The following MBTD1 variants were observed in gnomAD, a reference collection of about 807,000 sequenced individuals.
MBTD1 encodes mbt domain containing 1.
A neutral mutation model predicts 87.8 loss-of-function variants in MBTD1; 24 were observed. The observed-to-expected ratio is 0.27, with a 90% confidence interval of 0.20 to 0.38. MBTD1 has a LOEUF of 0.38. MBTD1 is among the 10% of genes least tolerant of loss of function. The pLI, the probability that MBTD1 is intolerant of heterozygous loss-of-function variation, is 1.00. For missense variants in MBTD1, 436 were observed against 760.2 expected, an observed-to-expected ratio of 0.57 and a Z score of 5.02; for synonymous variants, 237 against 248.6, an observed-to-expected ratio of 0.95 and a Z score of 0.44.
chr17:51,240,479 ATT>A (rs907732960), intron 2 of MBTD1, among the ~76,000 whole-genome samples: 5 of 152,002 alleles, frequency 3.3e-5, no homozygotes, highest in African/African-American at 1.2e-4. Context: ...TTGGTCAGAT[ATT>A]TTGCTGACTG....
rs1354355867 is a variant in MBTD1 at position 51,201,716 on chromosome 17, C to T, written c.1120-20G>A. 4 of 1,383,134 alleles carry T rather than the reference C, an allele frequency of 2.9e-6. No individual in the cohort carries two copies. The South Asian group carries it at 3.6e-5, about 12-fold the overall frequency. 85.7% of individuals were successfully genotyped at this position (1,383,134 alleles called of 1,614,324 possible). On this transcript the variant is annotated intron_variant, in intron 11 of 16. Transcript: ENST00000586178. The stretch of plus-strand genomic sequence containing the variant: ...TTTTACCTAAAGAATTATATGAAAG[C>T]ACATCTACTGTTACAAATGTTGTTA...
At chr17:51,259,241 A>G (rs2055293216) in intron 1 of MBTD1, 35 bp from the exon 2 acceptor site, 1 of 1,231,310 alleles carries the variant, frequency 8.1e-7, no homozygotes, top group Non-Finnish European at 1.0e-6. Flanking sequence ...ACAAAGGAGA[A>G]CGCAATGGTC....
upstream of MBTD1, chr17:51,260,679 G>T (rs768371518): frequency 5.6e-6 from 9 of 1,610,608 alleles, no homozygotes; most frequent in African/African-American, 8.0e-5. Context: ...TGGAAAGCCG[G>T]AGCGGGGCCA....
At chr17:51,196,459 G>A (rs1335124020) in intron 12 of MBTD1, among the ~76,000 whole-genome samples, 1 of 151,726 alleles carries the variant, frequency 6.6e-6, no homozygotes, top group East Asian at 1.9e-4. Flanking sequence ...CCTGACCTCA[G>A]GTGACCCACC....
At chr17:51,209,613 G>C (rs2052051803) in intron 6 of MBTD1, among the ~76,000 whole-genome samples, 1 of 152,202 alleles carries the variant, frequency 6.6e-6, no homozygotes, top group Non-Finnish European at 1.5e-5. Context: ...CTAGTATTCA[G>C]ACTCTCAGGA....
intron 16 of MBTD1, chr17:51,185,947 GACCATGCTTTGTCTCCC>G: frequency 6.5e-6 from 1 of 152,774 alleles, no homozygotes; most frequent in East Asian, 1.9e-4. Flanking sequence ...TGTCATGCCA[GACCATGCTTTGTCTCCC>G]ACCACCCTAC....
At chr17:51,243,013 T>A (rs2054240417) in intron 2 of MBTD1, among the ~76,000 whole-genome samples, 1 of 152,196 alleles carries the variant, frequency 6.6e-6, no homozygotes, top group Non-Finnish European at 1.5e-5. Flanking sequence ...GTTTTGCAAT[T>A]ACAAATACGC....
intron 16 of MBTD1, chr17:51,191,803 G>C (rs956611061): frequency 1.2e-5 from 2 of 173,260 alleles, no homozygotes; most frequent in South Asian, 1.3e-4. Flanking sequence ...GGATGGTCTC[G>C]ATCTCCTGAC....
At chr17:51,223,151 C>T (rs1340633356) in intron 3 of MBTD1, among the ~76,000 whole-genome samples, 1 of 151,952 alleles carries the variant, frequency 6.6e-6, no homozygotes, top group Admixed American at 6.6e-5. Context: ...ACCAACAGGG[C>T]AGAATTATCA....
intron 2 of MBTD1, among the ~76,000 whole-genome samples, chr17:51,249,106 A>AG (rs998376984): frequency 1.3e-5 from 2 of 151,786 alleles, no homozygotes; most frequent in African/African-American, 4.8e-5. Context: ...AAAAAAAAAA[A>AG]AAAATTAGCT....
intron 2 of MBTD1, among the ~76,000 whole-genome samples, chr17:51,236,140 C>T (rs1392006798): frequency 6.6e-6 from 1 of 151,956 alleles, no homozygotes; most frequent in Non-Finnish European, 1.5e-5. Flanking sequence ...ATATAGATAT[C>T]TACAGAATCT....
At chr17:51,195,180 A>G in intron 13 of MBTD1, 34 bp downstream of exon 13, 1 of 1,586,816 alleles carries the variant, frequency 6.3e-7, no homozygotes, top group East Asian at 2.2e-5. Flanking sequence ...GAAAGCAACA[A>G]TTAAAACCCA....
rs141385139 is a variant in MBTD1, at chr17:51,201,906, G to A, written c.1119+116C>T. On this transcript the variant is annotated intron_variant, in intron 11 of 16. Coordinates refer to ENST00000586178, the MANE Select transcript of MBTD1 (RefSeq NM_017643.3). ...GTTGTGACACCTATGAATTTACAAG[G>A]TCTTAATTCTTTTAAGTGAACATAT... 5.2e-5 allele frequency: 40 copies of A among 762,008 alleles called. No individual in the cohort carries two copies. In the African/African-American group the frequency reaches 6.3e-4, roughly 12 times the overall value. The allele number at this position is 762,008 out of a possible 1,614,324, so 47.2% of individuals were successfully genotyped here. A position where few individuals can be genotyped will look rare whatever the true frequency, so the allele number is the denominator to read the frequency against.
intron 2 of MBTD1, among the ~76,000 whole-genome samples, chr17:51,255,557 T>G (rs2055037303): frequency 6.6e-6 from 1 of 151,852 alleles, no homozygotes; most frequent in South Asian, 2.1e-4. Flanking sequence ...TTTTAAAGCT[T>G]AGAAGTCTTA....
At chr17:51,250,478 CA>C (rs2054713761) in intron 2 of MBTD1, 1 of 152,210 alleles carries the variant, frequency 6.6e-6, no homozygotes, top group Non-Finnish European at 1.5e-5. Context: ...TGTTGTTCTG[CA>C]GCCCTAATAC....
At chr17:51,231,346 C>T (rs4794213) in intron 2 of MBTD1, among the ~76,000 whole-genome samples, 47,971 of 152,050 alleles carry the variant, frequency 0.32, 9,460 homozygotes, top group East Asian at 0.6. Flanking sequence ...CCCAGAATAT[C>T]TTATTCTGAC....
At position 51,218,529 on chromosome 17, in the gene MBTD1, C is replaced by CAAAA. The variant is rs58563366; in HGVS notation, c.403+397_403+400dup. 4.5e-5 allele frequency among the ~76,000 whole-genome samples: 5 copies of CAAAA among 110,684 alleles called. No individual in the cohort carries two copies. In the East Asian group the frequency reaches 7.4e-4, roughly 16 times the overall value. The allele number at this position is 110,684 out of a possible 152,430, so 72.6% of individuals were successfully genotyped here. On this transcript the variant is annotated intron_variant, in intron 5 of 16. Coordinates refer to ENST00000586178, the MANE Select transcript of MBTD1 (RefSeq NM_017643.3). ...GAGTGACAGAGCAAGACTCTGTCTCCAAAAAAAAAAAAAAAAAAAAAAAAA... is the reference window on the plus strand; with the variant it reads ...GAGTGACAGAGCAAGACTCTGTCTCCAAAAAAAAAAAAAAAAAAAAAAAAAAAAA...
At chr17:51,243,555 A>G (rs2054270817) in intron 2 of MBTD1, among the ~76,000 whole-genome samples, 2 of 152,242 alleles carry the variant, frequency 1.3e-5, no homozygotes, top group Non-Finnish European at 2.9e-5. Context: ...ATCTGACAAT[A>G]TATGATACTT....
intron 5 of MBTD1, among the ~76,000 whole-genome samples, chr17:51,218,102 C>G (rs912650638): frequency 1.3e-5 from 2 of 152,128 alleles, no homozygotes; most frequent in African/African-American, 4.8e-5. Flanking sequence ...AATTACCTCA[C>G]TTTCTATTTA....
Sources: gnomAD v4.1 joint callset for allele counts (sites outside exome capture counted in the v4.1 genomes callset) on GRCh38, gnomAD v4.1.1 for gene constraint, MANE v1.5 for transcripts, NCBI Gene and HGNC (gene_info 2026-07-23, HGNC 2026-07-21) for gene names.